The following KIF13B variants were observed in gnomAD, a reference collection of about 807,000 sequenced individuals.
KIF13B encodes kinesin family member 13B.
Under a neutral mutation model 222.0 loss-of-function variants are expected in KIF13B, and 127 were observed. The observed-to-expected ratio is 0.57, with a 90% CI of 0.50 to 0.66. The LOEUF (loss-of-function observed/expected upper bound fraction) is 0.66, where lower values mean the gene tolerates loss of function less well. Ranked by LOEUF, KIF13B falls within the 30% of genes least tolerant of loss-of-function variation. The probability of loss-of-function intolerance (pLI) is 0.00; values close to 1 mark genes in which losing one functional copy is unlikely to be tolerated. For synonymous variants in KIF13B, 976 were observed against 919.0 expected, an observed-to-expected ratio of 1.06 and a Z score of -1.12; for missense variants, 2,173 against 2,379.0, an observed-to-expected ratio of 0.91 and a Z score of 1.80.
chr8:29,119,284 C>A (rs1422772088), intron 29 of KIF13B, among the ~76,000 whole-genome samples: 1 of 152,202 alleles, frequency 6.6e-6, no homozygotes, highest in South Asian at 2.1e-4. Flanking sequence ...TCATCAATGT[C>A]AGTGACCGGG....
At chr8:29,184,119 T>G (rs934070020) in intron 6 of KIF13B, among the ~76,000 whole-genome samples, 2 of 152,076 alleles carry the variant, frequency 1.3e-5, no homozygotes, top group Non-Finnish European at 2.9e-5. Context: ...ATTATTGACT[T>G]TTTTCCTTTC....
intron 27 of KIF13B, 126 bp downstream of exon 27, chr8:29,123,898 A>G (rs1809990321): frequency 1.5e-6 from 1 of 650,138 alleles, no homozygotes; most frequent in Non-Finnish European, 2.7e-6. Flanking sequence ...AGTAACACTC[A>G]TCTGCTCCTG....
intron 21 of KIF13B, among the ~76,000 whole-genome samples, chr8:29,135,289 C>A (rs1810508645): frequency 6.6e-6 from 1 of 152,162 alleles, no homozygotes; most frequent in South Asian, 2.1e-4. Context: ...AAGTGATCCT[C>A]CTGCCTCAGT....
At chr8:29,237,700 AC>A (rs200103361) in intron 2 of KIF13B, among the ~76,000 whole-genome samples, 2,214 of 152,268 alleles carry the variant, frequency 0.015, 32 homozygotes, top group African/African-American at 0.036. Context: ...AACCAGCTAG[AC>A]TCTGCTGGTA....
intron 1 of KIF13B, among the ~76,000 whole-genome samples, chr8:29,249,322 C>T (rs1412267062): frequency 2.0e-5 from 3 of 151,222 alleles, no homozygotes; most frequent in African/African-American, 7.3e-5. Context: ...CCCAGCTACT[C>T]GAGAGGCTGA....
intron 1 of KIF13B, among the ~76,000 whole-genome samples, chr8:29,247,823 G>C (rs1214357403): frequency 1.0e-5 from 1 of 97,276 alleles, no homozygotes; most frequent in African/African-American, 4.4e-5. Context: ...GTGAGAGTAA[G>C]ACCCTGTCTC....
At chr8:29,150,182 C>T (rs962783453) in intron 15 of KIF13B, 115 bp downstream of exon 15, 5 of 627,610 alleles carry the variant, frequency 8.0e-6, no homozygotes, top group Non-Finnish European at 1.1e-5. Context: ...CAAATATATA[C>T]GTACACACAC....
In KIF13B at chr8:29,202,287, T is replaced by A. The variant is rs1368561704; in HGVS notation, c.150-6088A>T. Among the ~76,000 whole-genome samples, 3 of 152,186 alleles carry A rather than the reference T, an allele frequency of 2.0e-5. 1 individual carries two copies. The highest frequency in any genetic ancestry group is 7.2e-5 in the African/African-American group (3 of 41,454). Reference sequence around the variant, plus strand: ...CAGGGCTGCATTCAGTAAGATATACTGGGGAAGGTTGCCGCAAGTGGGATA... The same window carrying A: ...CAGGGCTGCATTCAGTAAGATATACAGGGGAAGGTTGCCGCAAGTGGGATA... On this transcript the variant is annotated intron_variant, in intron 2 of 39. Transcript: ENST00000524189.
In KIF13B at chr8:29,141,751, G is replaced by A. The variant is rs191686884; in HGVS notation, c.2334+406C>T. Among the ~76,000 whole-genome samples, 13 of 152,224 alleles carry A rather than the reference G, an allele frequency of 8.5e-5. No individual in the cohort carries two copies. In the East Asian group the frequency reaches 2.3e-3, roughly 27 times the overall value. On this transcript the variant is annotated intron_variant, in intron 19 of 39. Coordinates refer to ENST00000524189, the MANE Select transcript of KIF13B (RefSeq NM_015254.4). The stretch of plus-strand genomic sequence containing the variant: ...GGAGTGTAAATATTAAGATACCACC[G>A]ATGTTCAACTTACAAAACATATATT...
intron 37 of KIF13B, among the ~76,000 whole-genome samples, chr8:29,077,372 C>G (rs1807613307): frequency 6.6e-6 from 1 of 152,248 alleles, no homozygotes; most frequent in Non-Finnish European, 1.5e-5. Flanking sequence ...CCTCGCATGC[C>G]AGGGCTCGTA....
chr8:29,213,910 A>T (rs6558099), intron 2 of KIF13B, among the ~76,000 whole-genome samples: 8 of 151,954 alleles, frequency 5.3e-5, no homozygotes, highest in Non-Finnish European at 1.0e-4. Flanking sequence ...GCCGAGATTG[A>T]GCCACAGCAC....
chr8:29,083,900 G>A (rs550801990), intron 37 of KIF13B, among the ~76,000 whole-genome samples: 5 of 152,210 alleles, frequency 3.3e-5, no homozygotes, highest in Non-Finnish European at 7.4e-5. Flanking sequence ...CTGGGAACAA[G>A]GCCTAGATGT....
chr8:29,235,201 G>C (rs902817316), intron 2 of KIF13B, among the ~76,000 whole-genome samples: 10 of 152,110 alleles, frequency 6.6e-5, no homozygotes, highest in African/African-American at 2.4e-4. Context: ...CAATGAAACA[G>C]CATTGACACA....
intron 13 of KIF13B, 118 bp downstream of exon 13, chr8:29,160,615 T>C: frequency 6.3e-6 from 5 of 792,732 alleles, no homozygotes; most frequent in South Asian, 3.1e-5. Context: ...AAACCCAAGA[T>C]GGTTCTATAA....
At chr8:29,246,740 TAAGGA>T (rs1406563828) in intron 1 of KIF13B, among the ~76,000 whole-genome samples, 1 of 152,198 alleles carries the variant, frequency 6.6e-6, no homozygotes, top group Non-Finnish European at 1.5e-5. Flanking sequence ...AGTACTTACA[TAAGGA>T]AAGACATATA....
At chr8:29,115,912 C>T (rs983004072) in intron 31 of KIF13B, among the ~76,000 whole-genome samples, 3 of 152,174 alleles carry the variant, frequency 2.0e-5, no homozygotes, top group African/African-American at 7.2e-5. Flanking sequence ...TCTGAAGCGC[C>T]CCCACCACCC....
chr8:29,078,211 C>T (rs1807654282), intron 37 of KIF13B, among the ~76,000 whole-genome samples: 1 of 148,132 alleles, frequency 6.8e-6, no homozygotes, highest in South Asian at 2.1e-4. Flanking sequence ...AGGAGAATTG[C>T]TTGAACCTGG....
intron 2 of KIF13B, among the ~76,000 whole-genome samples, chr8:29,244,768 C>T (rs1815946609): frequency 1.3e-5 from 2 of 152,160 alleles, no homozygotes; most frequent in African/African-American, 4.8e-5. Context: ...TACTACCATA[C>T]ATATCTAGAA....
chr8:29,153,830 G>T (rs1256468673), intron 14 of KIF13B, among the ~76,000 whole-genome samples: 2 of 152,100 alleles, frequency 1.3e-5, no homozygotes, highest in Non-Finnish European at 2.9e-5. Flanking sequence ...AGCCCAGCTG[G>T]GTTTCTACTT....
Sources: gnomAD v4.1 joint callset for allele counts (sites outside exome capture counted in the v4.1 genomes callset) on GRCh38, gnomAD v4.1.1 for gene constraint, MANE v1.5 for transcripts, NCBI Gene and HGNC (gene_info 2026-07-23, HGNC 2026-07-21) for gene names.